Variants in TAX1BP1 observed in about 807,000 individuals in gnomAD.
TAX1BP1 encodes Tax1 binding protein 1, also known as tax1-binding protein 1.
A neutral mutation model predicts 97.7 loss-of-function variants in TAX1BP1; 62 were observed. The observed-to-expected ratio is 0.63, with a 90% CI of 0.52 to 0.78. The LOEUF is 0.78. TAX1BP1 is among the 30% of genes least tolerant of loss of function. TAX1BP1 has a pLI of 0.00. For synonymous variants in TAX1BP1, 340 were observed against 304.2 expected, an observed-to-expected ratio of 1.12 and a Z score of -1.23; for missense variants, 867 against 916.1, an observed-to-expected ratio of 0.95 and a Z score of 0.69.
intron 2 of TAX1BP1, among the ~76,000 whole-genome samples, chr7:27,754,119 CT>C (rs1788119624): frequency 1.3e-5 from 2 of 151,936 alleles, no homozygotes; most frequent in Non-Finnish European, 2.9e-5. Context: ...CAAAACCTCC[CT>C]GTAAGGTACT....
Position 27,828,935 on chromosome 7 carries a change from C to T in TAX1BP1, c.*106C>T. 2.4e-6 allele frequency: 2 copies of T among 847,082 alleles called. No homozygotes were observed. Among genetic ancestry groups the T allele is most frequent in the Non-Finnish European group, 3.5e-6 (2 of 563,478 alleles). 52.5% of individuals were successfully genotyped at this position (847,082 alleles called of 1,614,324 possible). On this transcript the variant is annotated 3_prime_UTR_variant, in exon 17 of 17. Coordinates refer to ENST00000396319, the MANE Select transcript of TAX1BP1 (RefSeq NM_006024.7). The stretch of plus-strand genomic sequence containing the variant: ...CCATAGAGCGGATGCTTTCATGCAC[C>T]CTTTACTGCACTTTCTGACCAGGAG...
chr7:27,763,471 G>A (rs1788505766), intron 3 of TAX1BP1, among the ~76,000 whole-genome samples: 2 of 151,962 alleles, frequency 1.3e-5, no homozygotes, highest in African/African-American at 4.8e-5. Flanking sequence ...GTTTTTTAAA[G>A]AATCAGACCT....
At chr7:27,761,283 C>T (rs1267541226) in intron 3 of TAX1BP1, among the ~76,000 whole-genome samples, 1 of 152,166 alleles carries the variant, frequency 6.6e-6, no homozygotes, top group African/African-American at 2.4e-5. Context: ...TTTATTTTAA[C>T]ATCTTGTGTG....
chr7:27,795,973 C>T (rs1789917015), intron 11 of TAX1BP1, 143 bp from the exon 12 acceptor site: 2 of 593,576 alleles, frequency 3.4e-6, no homozygotes, highest in Non-Finnish European at 5.9e-6. Flanking sequence ...CTTTGTATAT[C>T]TAGGATATGA....
In TAX1BP1 at chr7:27,772,016, T is replaced by A. The variant is rs567643020; in HGVS notation, c.612+2182T>A. ...TAGCATTTCCCTCAGATTCTAAAAG[T>A]ATAATGGATACATAATGTAACCAAA... On this transcript the variant is annotated intron_variant, in intron 5 of 16. Coordinates refer to ENST00000396319, the MANE Select transcript of TAX1BP1 (RefSeq NM_006024.7). 3 of 152,182 alleles carry A rather than the reference T, an allele frequency of 2.0e-5. No individual in the cohort carries two copies. In the East Asian group the frequency reaches 5.8e-4, roughly 29 times the overall value. The allele number at this position is 152,182 out of a possible 1,614,324, so 9.4% of individuals were successfully genotyped here.
intron 5 of TAX1BP1, among the ~76,000 whole-genome samples, chr7:27,781,353 A>C (rs917307515): frequency 6.6e-6 from 1 of 152,152 alleles, no homozygotes; most frequent in Admixed American, 6.5e-5. Context: ...ACAAACCTAG[A>C]TAGTATATCC....
intron 3 of TAX1BP1, among the ~76,000 whole-genome samples, chr7:27,759,870 T>C (rs1196716107): frequency 6.6e-6 from 1 of 151,892 alleles, no homozygotes; most frequent in African/African-American, 2.4e-5. Context: ...TTTTTTTTTT[T>C]TGAGCCGGAG....
At chr7:27,811,791 C>A (rs1790570841) in intron 13 of TAX1BP1, among the ~76,000 whole-genome samples, 1 of 152,142 alleles carries the variant, frequency 6.6e-6, no homozygotes, top group South Asian at 2.1e-4. Flanking sequence ...TCCTAGAAAA[C>A]CTCTGGTCTG....
intron 13 of TAX1BP1, among the ~76,000 whole-genome samples, chr7:27,807,824 C>A (rs771855413): frequency 3.3e-5 from 5 of 151,856 alleles, no homozygotes; most frequent in Non-Finnish European, 5.9e-5. Context: ...TTTCTTTCTC[C>A]CCAATTTGTT....
chr7:27,801,035 C>T (rs1453090555), intron 13 of TAX1BP1, among the ~76,000 whole-genome samples: 10 of 143,178 alleles, frequency 7.0e-5, no homozygotes, highest in Non-Finnish European at 1.3e-4. Context: ...ACCCTGGAGG[C>T]GGAGGTTGCA....
At chr7:27,810,428 AT>A (rs1365348042) in intron 13 of TAX1BP1, among the ~76,000 whole-genome samples, 2 of 152,108 alleles carry the variant, frequency 1.3e-5, no homozygotes, top group Non-Finnish European at 2.9e-5. Context: ...CTTTAGGGTT[AT>A]TAGTGCTGAT....
intron 13 of TAX1BP1, among the ~76,000 whole-genome samples, chr7:27,802,284 T>TG (rs1790168167): frequency 1.3e-5 from 2 of 152,036 alleles, no homozygotes; most frequent in African/African-American, 4.8e-5. Flanking sequence ...GATTTAGAGG[T>TG]GGGAAGGGTT....
At chr7:27,802,586 A>G (rs1790182798) in intron 13 of TAX1BP1, among the ~76,000 whole-genome samples, 2 of 152,226 alleles carry the variant, frequency 1.3e-5, no homozygotes, top group South Asian at 4.1e-4. Flanking sequence ...GTATTCCAAT[A>G]TAGTTTCTAA....
At chr7:27,740,743 C>G (rs1360675347) in intron 1 of TAX1BP1, among the ~76,000 whole-genome samples, 1 of 152,232 alleles carries the variant, frequency 6.6e-6, no homozygotes, top group South Asian at 2.1e-4. Flanking sequence ...TGGGGTTTGC[C>G]TTTGCGGAGA....
intron 15 of TAX1BP1, among the ~76,000 whole-genome samples, chr7:27,826,438 T>C (rs1263145920): frequency 3.3e-5 from 5 of 152,160 alleles, no homozygotes; most frequent in Non-Finnish European, 7.3e-5. Flanking sequence ...ATATATACTT[T>C]TTTTGGTGCT....
chr7:27,795,572 A>G (rs1040836581), intron 11 of TAX1BP1, among the ~76,000 whole-genome samples: 5 of 152,072 alleles, frequency 3.3e-5, no homozygotes, highest in Non-Finnish European at 7.4e-5. Context: ...TTTGTTTTTG[A>G]GACAGAGTCT....
chr7:27,749,603 T>G (rs919513346), intron 2 of TAX1BP1, among the ~76,000 whole-genome samples: 12 of 152,172 alleles, frequency 7.9e-5, no homozygotes, highest in Non-Finnish European at 1.5e-5. Flanking sequence ...AGAAAAACAT[T>G]TGGACAAAAC....
intron 3 of TAX1BP1, among the ~76,000 whole-genome samples, chr7:27,761,695 A>G (rs549913284): frequency 2.6e-5 from 4 of 152,324 alleles, no homozygotes; most frequent in Non-Finnish European, 5.9e-5. Flanking sequence ...TTAATATTCT[A>G]TTGAATGGAT....
chr7:27,743,763 CTTTATTTTTTTTT>C (rs1787706926), intron 1 of TAX1BP1, among the ~76,000 whole-genome samples: 1 of 41,330 alleles, frequency 2.4e-5, no homozygotes, highest in Non-Finnish European at 4.5e-5. Context: ...AGTTTAGTAT[CTTTATTTTTTTTT>C]TTTTTTTTTT....
Sources: allele counts gnomAD v4.1 joint callset (sites outside exome capture counted in the v4.1 genomes callset), GRCh38; gene constraint gnomAD v4.1.1; transcripts MANE v1.5; gene names NCBI Gene and HGNC (gene_info 2026-07-23, HGNC 2026-07-21).